Variants in MAP4K3 observed in about 807,000 individuals in gnomAD.
MAP4K3 encodes mitogen-activated protein kinase kinase kinase kinase 3, also known as MAPK/ERK kinase kinase kinase 3.
In MAP4K3, 94 loss-of-function variants were observed where a neutral mutation model predicts 143.5. The observed-to-expected ratio is 0.65, with a 90% CI of 0.55 to 0.78. MAP4K3 has a LOEUF of 0.78. Among genes scored for constraint, MAP4K3 ranks in the 30% least tolerant of loss-of-function variants. The pLI is 0.00. For missense variants in MAP4K3, 1,077 were observed against 1,068.1 expected (o/e 1.01, Z -0.12); for synonymous variants, 416 against 347.2 (o/e 1.20, Z -2.20).
chr2:39,348,666 A>G (rs555173588), intron 3 of MAP4K3, among the ~76,000 whole-genome samples: 1 of 152,302 alleles, frequency 6.6e-6, no homozygotes, highest in African/African-American at 2.4e-5. Context: ...TAAATATTCA[A>G]TGTATCAGTA....
At chr2:39,282,019 C>T (rs550951131) in intron 22 of MAP4K3, among the ~76,000 whole-genome samples, 4 of 151,648 alleles carry the variant, frequency 2.6e-5, no homozygotes, top group Non-Finnish European at 4.4e-5. Context: ...TATGGTAAAA[C>T]CCGTCTCTAT....
chr2:39,260,764 G>A lies in MAP4K3; in HGVS notation c.2150C>T (p.Pro717Leu), dbSNP rs764333697. 1 of 1,610,272 alleles carries A rather than the reference G, an allele frequency of 6.2e-7. No individual in the cohort carries two copies. The highest frequency in any genetic ancestry group is 2.2e-5 in the East Asian group (1 of 44,830). ...KFMLIKHIDF[P>L]IPCPLRMFEM... Reference sequence around the variant, plus strand: ...AAACATTCTAAGTGGACATGGTATAGGAAAATCTATGTGCTAGAGAAAGAA... The same window carrying A: ...AAACATTCTAAGTGGACATGGTATAAGAAAATCTATGTGCTAGAGAAAGAA... Residue 717 changes from proline to leucine, a missense_variant, in exon 29 of 34, where the codon CCT (proline) becomes CTT (leucine). Around this residue, in one of 2 missense-constraint regions of MAP4K3, gnomAD observed 864 missense variants for 801.2 expected, o/e 1.08. Coordinates refer to ENST00000263881, the MANE Select transcript of MAP4K3 (RefSeq NM_003618.4).
At chr2:39,423,772 G>A (rs187703754) in intron 1 of MAP4K3, among the ~76,000 whole-genome samples, 17 of 152,252 alleles carry the variant, frequency 1.1e-4, no homozygotes, top group East Asian at 9.7e-4. Flanking sequence ...AGAGGAGAAT[G>A]GAAGATGAAT....
chr2:39,436,757 C>G (rs1665498419), intron 1 of MAP4K3, 135 bp downstream of exon 1: 1 of 702,450 alleles, frequency 1.4e-6, no homozygotes, highest in South Asian at 1.7e-5. Flanking sequence ...GAGCCCTTGG[C>G]GTCCGCAGCT....
chr2:39,287,094 G>T (rs905561074), intron 20 of MAP4K3, 130 bp from the exon 21 acceptor site: 2 of 531,308 alleles, frequency 3.8e-6, no homozygotes, highest in South Asian at 6.8e-5. Context: ...CACCCAATCA[G>T]AATATTTACT....
Position 39,325,971 on chromosome 2 carries a change from C to T in MAP4K3, c.663-10G>A. 1 of 1,583,820 alleles carries T rather than the reference C, an allele frequency of 6.3e-7. No individual in the cohort carries two copies. The highest frequency in any genetic ancestry group is 8.6e-7 in the Non-Finnish European group (1 of 1,158,430). On this transcript the variant is annotated splice_polypyrimidine_tract_variant and intron_variant, in intron 9 of 33. Coordinates refer to ENST00000263881, the MANE Select transcript of MAP4K3 (RefSeq NM_003618.4). ...CATTAGAAATAATGCTCTGAAAAAT[C>T]AACAAATCATTACACAGCATTTTAA...
At chr2:39,324,143 C>T (rs1683409879) in intron 12 of MAP4K3, among the ~76,000 whole-genome samples, 1 of 152,170 alleles carries the variant, frequency 6.6e-6, no homozygotes, top group East Asian at 1.9e-4. Context: ...GGTGCGGTGG[C>T]TCATGCCTGT....
chr2:39,306,026 C>T (rs534187818), intron 15 of MAP4K3, among the ~76,000 whole-genome samples: 5 of 152,216 alleles, frequency 3.3e-5, no homozygotes, highest in South Asian at 2.1e-4. Flanking sequence ...GACAGGGTTT[C>T]ACCATGTTGG....
At chr2:39,256,070 T>C (rs1190517094) in intron 31 of MAP4K3, among the ~76,000 whole-genome samples, 4 of 152,230 alleles carry the variant, frequency 2.6e-5, no homozygotes, top group Non-Finnish European at 5.9e-5. Context: ...TTCTTATGTA[T>C]GTTACTTTAT....
chr2:39,388,770 C>G (rs756376152), intron 1 of MAP4K3, among the ~76,000 whole-genome samples: 1 of 152,106 alleles, frequency 6.6e-6, no homozygotes, highest in Non-Finnish European at 1.5e-5. Context: ...CCAGGAGCCT[C>G]AAGTCAAGAA....
intron 3 of MAP4K3, among the ~76,000 whole-genome samples, chr2:39,346,140 T>C (rs1483519316): frequency 6.6e-6 from 1 of 152,188 alleles, no homozygotes; most frequent in Non-Finnish European, 1.5e-5. Context: ...ACTTTCAGAA[T>C]AGATGTCTGA....
At chr2:39,301,765 T>G (rs1045040450) in intron 15 of MAP4K3, among the ~76,000 whole-genome samples, 1 of 152,154 alleles carries the variant, frequency 6.6e-6, no homozygotes, top group African/African-American at 2.4e-5. Flanking sequence ...GGCTCACACC[T>G]GTAATCCCAG....
At chr2:39,350,831 C>G (rs1374311098) in intron 3 of MAP4K3, among the ~76,000 whole-genome samples, 3 of 152,078 alleles carry the variant, frequency 2.0e-5, no homozygotes. Flanking sequence ...CATTTTTGCC[C>G]ATATCTCCAC....
chr2:39,288,044 T>A, intron 20 of MAP4K3, 77 bp downstream of exon 20: 2 of 1,529,366 alleles, frequency 1.3e-6, no homozygotes, highest in Non-Finnish European at 1.8e-6. Flanking sequence ...TTTCAAATAA[T>A]CTCTTAAAAG....
At chr2:39,434,682 A>G (rs1198004225) in intron 1 of MAP4K3, among the ~76,000 whole-genome samples, 2 of 152,230 alleles carry the variant, frequency 1.3e-5, no homozygotes, top group East Asian at 3.8e-4. Context: ...ACAGTCCCTA[A>G]TTGGTTCAAA....
At chr2:39,402,329 A>C (rs996349527) in intron 1 of MAP4K3, among the ~76,000 whole-genome samples, 1 of 149,286 alleles carries the variant, frequency 6.7e-6, no homozygotes, top group Non-Finnish European at 1.5e-5. Context: ...TAAAGAGCAA[A>C]ATTTTTTTGA....
chr2:39,295,975 T>C (rs1390773482), intron 16 of MAP4K3, among the ~76,000 whole-genome samples: 1 of 152,154 alleles, frequency 6.6e-6, no homozygotes, highest in East Asian at 1.9e-4. Context: ...CGCCTTGGCT[T>C]CCCAGTGTTG....
At chr2:39,410,894 G>A (rs554513621) in intron 1 of MAP4K3, among the ~76,000 whole-genome samples, 3 of 152,108 alleles carry the variant, frequency 2.0e-5, no homozygotes, top group African/African-American at 2.4e-5. Flanking sequence ...AATTGTTTTT[G>A]TATGTCATCT....
intron 22 of MAP4K3, among the ~76,000 whole-genome samples, chr2:39,281,737 T>C (rs936764635): frequency 3.3e-5 from 5 of 151,586 alleles, no homozygotes; most frequent in African/African-American, 1.2e-4. Context: ...TCTGCTGTAA[T>C]ATATATGCTA....
Sources: allele counts gnomAD v4.1 joint callset (sites outside exome capture counted in the v4.1 genomes callset), GRCh38; gene constraint gnomAD v4.1.1; regional missense constraint gnomAD v4.1.1; transcripts MANE v1.5; gene names NCBI Gene and HGNC (gene_info 2026-07-23, HGNC 2026-07-21).